The following STK3 variants were observed in gnomAD, a reference collection of about 807,000 sequenced individuals.
STK3 encodes the protein serine/threonine-protein kinase 3.
A neutral mutation model predicts 58.0 loss-of-function variants in STK3; 41 were observed. The ratio of observed to expected loss-of-function variants is 0.71; its 90% confidence interval spans 0.55 to 0.92. The LOEUF (loss-of-function observed/expected upper bound fraction) is 0.92, where lower values mean the gene tolerates loss of function less well. Among genes scored for constraint, STK3 ranks in the 40% least tolerant of loss-of-function variants. The pLI is 0.00. For synonymous variants in STK3, 170 were observed against 191.0 expected, an observed-to-expected ratio of 0.89 and a Z score of 0.91; for missense variants, 479 against 602.7, an observed-to-expected ratio of 0.79 and a Z score of 2.15.
At chr8:98,624,970 G>A (rs1417012536) in intron 6 of STK3, among the ~76,000 whole-genome samples, 1 of 152,152 alleles carries the variant, frequency 6.6e-6, no homozygotes, top group Non-Finnish European at 1.5e-5. Context: ...GGAAAAATAA[G>A]TTAAATGGCC....
downstream of STK3, chr8:98,879,798 T>G (rs747359036): frequency 1.3e-5 from 2 of 152,190 alleles, no homozygotes; most frequent in African/African-American, 2.4e-5. Flanking sequence ...ATAATATTAC[T>G]AAAAAAGATT....
chr8:98,861,351 T>TC (rs1836930484), intron 3 of STK3, among the ~76,000 whole-genome samples: 1 of 137,444 alleles, frequency 7.3e-6, no homozygotes, highest in African/African-American at 2.9e-5. Flanking sequence ...TGGATTTTTT[T>TC]TTTTTTTTTT....
chr8:98,693,428 C>CA lies in STK3; in HGVS notation c.684+13038dup, dbSNP rs536713395. On this transcript the variant is annotated intron_variant, in intron 6 of 10. Transcript: ENST00000419617. Reference sequence around the variant, plus strand: ...AGATGATGATGATGACACAGACACTCAGAGGAAAATGCAATATGGAGATGT... The same window carrying CA: ...AGATGATGATGATGACACAGACACTCAAGAGGAAAATGCAATATGGAGATGT... 2.0e-5 allele frequency among the ~76,000 whole-genome samples: 3 copies of CA among 152,088 alleles called. No individual in the cohort carries two copies. In the South Asian group the frequency reaches 6.2e-4, roughly 32 times the overall value.
chr8:98,913,001 G>C (rs1182066554), intron 1 of STK3, among the ~76,000 whole-genome samples: 1 of 152,108 alleles, frequency 6.6e-6, no homozygotes, highest in East Asian at 1.9e-4. Flanking sequence ...TCCACCTCCT[G>C]GGTTCAAGCA....
rs575852599 is a variant in STK3 at position 98,505,062 on chromosome 8, C to T, written c.1317+21680G>A. On this transcript the variant is annotated intron_variant, in intron 10 of 10. Transcript: ENST00000419617. ...TAGATTTGGTCTTTTCACATAGTCCCATGTTTCTTGGAGGTTTTGTTCATT... is the reference window on the plus strand; with the variant it reads ...TAGATTTGGTCTTTTCACATAGTCCTATGTTTCTTGGAGGTTTTGTTCATT... Among the ~76,000 whole-genome samples the T allele has an allele frequency of 5.3e-5, 8 of 152,290 alleles. No homozygotes were observed. The South Asian group carries it at 1.7e-3, about 32-fold the overall frequency.
At chr8:98,796,660 G>T (rs1833183031) in intron 1 of STK3, among the ~76,000 whole-genome samples, 1 of 152,158 alleles carries the variant, frequency 6.6e-6, no homozygotes, top group Admixed American at 6.5e-5. Flanking sequence ...ACTCTCAACA[G>T]AGTAAACAGA....
the STK3 span, among the ~76,000 whole-genome samples, chr8:98,358,993 A>G: frequency 6.6e-6 from 1 of 152,156 alleles, no homozygotes; most frequent in Non-Finnish European, 1.5e-5. Flanking sequence ...ATCTCCCAGA[A>G]GCAAATCAAG....
chr8:98,356,210 C>T, the STK3 span, among the ~76,000 whole-genome samples: 2 of 152,302 alleles, frequency 1.3e-5, no homozygotes, highest in African/African-American at 2.4e-5. Context: ...TGTTCTGGGT[C>T]CCCCTTGAAT....
At chr8:98,694,992 C>T (rs1344471625) in intron 6 of STK3, among the ~76,000 whole-genome samples, 2 of 152,190 alleles carry the variant, frequency 1.3e-5, no homozygotes, top group Non-Finnish European at 2.9e-5. Context: ...TCCTATTTCT[C>T]CACATCCTCT....
At chr8:98,652,986 T>C (rs571391492) in intron 6 of STK3, among the ~76,000 whole-genome samples, 13 of 152,290 alleles carry the variant, frequency 8.5e-5, no homozygotes, top group East Asian at 1.9e-4. Flanking sequence ...GCGGAACTAA[T>C]AGACATCTAC....
intron 3 of STK3, among the ~76,000 whole-genome samples, chr8:98,417,807 C>G (rs1361217693): frequency 2.0e-5 from 3 of 152,220 alleles, no homozygotes. Context: ...AAGCACCTGC[C>G]TATCTCTGGG....
At chr8:98,931,757 A>G (rs1410447910) in intron 1 of STK3, among the ~76,000 whole-genome samples, 1 of 152,222 alleles carries the variant, frequency 6.6e-6, no homozygotes, top group Non-Finnish European at 1.5e-5. Context: ...TCTGGAATAC[A>G]CAACAATCTC....
Position 98,749,281 on chromosome 8 carries a change from T to A in STK3, c.346A>T (p.Lys116Ter). The change falls in exon 4 of 11, where the codon AAG becomes TAG. Residue 116 changes from lysine to a stop codon, truncating the protein, a stop_gained. Coordinates refer to ENST00000419617, the MANE Select transcript of STK3 (RefSeq NM_006281.4). LOFTEE classifies it high-confidence loss of function. ...SVSDIIRLRN[K>*]TLIEDEIATI... The stretch of plus-strand genomic sequence containing the variant: ...AACAATTTTAAAATACTTACTGTCT[T>A]GTTTCGTAATCTAATTATGTCTGAG... 1 of 1,598,180 alleles carries A rather than the reference T, an allele frequency of 6.3e-7. No individual in the cohort carries two copies. Among genetic ancestry groups the A allele is most frequent in the Non-Finnish European group, 8.5e-7 (1 of 1,169,664 alleles).
intron 1 of STK3, among the ~76,000 whole-genome samples, chr8:98,812,897 G>T (rs917670249): frequency 1.3e-5 from 2 of 152,178 alleles, no homozygotes; most frequent in East Asian, 3.8e-4. Context: ...AGGGTGGGGG[G>T]AGTGAGGAGG....
At chr8:98,803,595 AAAAAAAAAAAAAAG>A (rs1256217809) in intron 1 of STK3, among the ~76,000 whole-genome samples, 5 of 137,070 alleles carry the variant, frequency 3.6e-5, no homozygotes, top group Non-Finnish European at 4.7e-5. Context: ...CTCTGTTTCA[AAAAAAAAAAAAAAG>A]AAAAAAAAAG....
intron 6 of STK3, among the ~76,000 whole-genome samples, chr8:98,644,250 G>T (rs896251121): frequency 1.3e-5 from 2 of 152,130 alleles, no homozygotes; most frequent in African/African-American, 4.8e-5. Flanking sequence ...AGTTTAACAT[G>T]ATGAAAATCA....
intron 6 of STK3, among the ~76,000 whole-genome samples, chr8:98,624,206 T>C (rs1022502208): frequency 6.6e-6 from 1 of 152,226 alleles, no homozygotes; most frequent in African/African-American, 2.4e-5. Flanking sequence ...GGCATCAGTC[T>C]TCACAGTTAC....
intron 6 of STK3, among the ~76,000 whole-genome samples, chr8:98,704,947 T>C (rs572364439): frequency 6.6e-6 from 1 of 152,266 alleles, no homozygotes; most frequent in Admixed American, 6.5e-5. Flanking sequence ...CCTACAAACA[T>C]CCTAACTAAA....
In STK3 at chr8:98,548,005, T is replaced by C; in HGVS notation, c.1105A>G (p.Ser369Gly). 6.2e-7 allele frequency: 1 copy of C among 1,605,854 alleles called. No individual in the cohort carries two copies. The highest frequency in any genetic ancestry group is 1.1e-5 in the South Asian group (1 of 89,314). ...ESDLGTMVIN[S>G]EDEEEEDGTM... ...CCATCTTCTTCTTCCTCATCCTCAC[T>C]GTTTATCACCATGGTCCCCAAGTCG... Residue 369 changes from serine (S) to glycine (G), a missense_variant, in exon 9 of 11, where the codon AGT becomes GGT. Physicochemically the swap from Ser to Gly is moderately conservative, Grantham distance 56. Coordinates refer to ENST00000419617, the MANE Select transcript of STK3 (RefSeq NM_006281.4).
Sources: gnomAD v4.1 joint callset for allele counts (sites outside exome capture counted in the v4.1 genomes callset) on GRCh38, gnomAD v4.1.1 for gene constraint, MANE v1.5 for transcripts, NCBI Gene and HGNC (gene_info 2026-07-23, HGNC 2026-07-21) for gene names.